Variants in NYAP2 observed in about 807,000 individuals in gnomAD.
NYAP2 encodes neuronal tyrosine-phosphorylated phosphoinositide-3-kinase adaptor 2, also known as neuronal tyrosine-phosphorylated phosphoinositide-3-kinase adapter 2.
A neutral mutation model predicts 50.4 loss-of-function variants in NYAP2; 23 were observed. That is an observed-to-expected ratio of 0.46 (90% CI 0.33 to 0.65). The LOEUF is 0.65. Among genes scored for constraint, NYAP2 ranks in the 30% least tolerant of loss-of-function variants. The pLI, the probability that NYAP2 is intolerant of heterozygous loss-of-function variation, is 0.02. For missense variants in NYAP2, 885 were observed against 861.0 expected, an observed-to-expected ratio of 1.03 and a Z score of -0.35; for synonymous variants, 394 against 365.2, an observed-to-expected ratio of 1.08 and a Z score of -0.90.
chr2:225,582,404 G>A lies in NYAP2; in HGVS notation c.987G>A (p.Leu329=). 1 of 1,605,382 alleles carries A rather than the reference G, an allele frequency of 6.2e-7. No homozygotes were observed. Among genetic ancestry groups the A allele is most frequent in the Non-Finnish European group, 8.5e-7 (1 of 1,174,026 alleles). Residue 329 remains leucine (L), a synonymous_variant, in exon 5 of 7, where the codon CTG becomes CTA. Coordinates refer to ENST00000636099, the Ensembl canonical transcript of NYAP2. This position sits in a 1 kb window ranked among gnomAD's most constrained non-coding sequence, Gnocchi z 7.0. ...ACATCCCTCCGCCCTTCCCCAACCT[G>A]CTTTCTCACAGACCCCCGCTGCTGG... is the stretch of plus-strand genomic sequence containing the variant.
chr2:225,628,689 G>A (rs1471610839), intron 6 of NYAP2, among the ~76,000 whole-genome samples: 1 of 152,028 alleles, frequency 6.6e-6, no homozygotes. Context: ...CTATTTAATT[G>A]AGTCTTATGA....
rs936989587 is a variant in NYAP2, at chr2:225,446,528, A to G, written c.221+37427A>G. Among the ~76,000 whole-genome samples the G allele has an allele frequency of 5.9e-5, 9 of 152,030 alleles. No homozygotes were observed. In the South Asian group the frequency reaches 1.2e-3, roughly 21 times the overall value. ...TTATGAAGTTGCATGAAAGTTATAT[A>G]GAAAGGAATATGAAAATACAAAGTT... On this transcript the variant is annotated intron_variant, in intron 3 of 6. Transcript: ENST00000636099.
chr2:225,487,201 A>G (rs1462341968), intron 3 of NYAP2, among the ~76,000 whole-genome samples: 2 of 152,142 alleles, frequency 1.3e-5, no homozygotes, highest in Non-Finnish European at 2.9e-5. Flanking sequence ...CTTGGCCACA[A>G]GCTAGTATTT....
chr2:225,663,287 C>T, the NYAP2 span, among the ~76,000 whole-genome samples: 1 of 152,172 alleles, frequency 6.6e-6, no homozygotes, highest in African/African-American at 2.4e-5. Flanking sequence ...ATCTCTCACC[C>T]ATTTTCCCAG....
chr2:225,533,007 C>A (rs1048593223), intron 4 of NYAP2, among the ~76,000 whole-genome samples: 45 of 152,088 alleles, frequency 3.0e-4, no homozygotes, highest in African/African-American at 8.7e-4. Context: ...CAGTGTAGCC[C>A]ACTGATGTCA....
At chr2:225,573,920 A>G (rs1236900757) in intron 4 of NYAP2, among the ~76,000 whole-genome samples, 1 of 152,170 alleles carries the variant, frequency 6.6e-6, no homozygotes. Flanking sequence ...GGAGAGGGAG[A>G]TAGATCTTAT....
intron 3 of NYAP2, among the ~76,000 whole-genome samples, chr2:225,427,017 A>T (rs1010612829): frequency 1.3e-5 from 2 of 152,186 alleles, no homozygotes; most frequent in African/African-American, 4.8e-5. Flanking sequence ...AACCAAAATT[A>T]TTCTGTTTAG....
chr2:225,425,750 T>C (rs1333135043), intron 3 of NYAP2, among the ~76,000 whole-genome samples: 1 of 152,264 alleles, frequency 6.6e-6, no homozygotes, highest in African/African-American at 2.4e-5. Flanking sequence ...TTTAGGATTT[T>C]ATACAACCAC....
intron 3 of NYAP2, among the ~76,000 whole-genome samples, chr2:225,474,215 T>C (rs1402998265): frequency 6.6e-6 from 1 of 152,176 alleles, no homozygotes; most frequent in Admixed American, 6.5e-5. Flanking sequence ...TACTGTAGCC[T>C]TGTAGTATAG....
At chr2:225,560,096 C>T (rs530504948) in intron 4 of NYAP2, among the ~76,000 whole-genome samples, 39 of 151,902 alleles carry the variant, frequency 2.6e-4, no homozygotes, top group Non-Finnish European at 5.4e-4. Context: ...TAGCCATTAC[C>T]CACCTCCCTT....
At chr2:225,688,169 C>G in the NYAP2 span, among the ~76,000 whole-genome samples, 1 of 152,166 alleles carries the variant, frequency 6.6e-6, no homozygotes, top group Admixed American at 6.5e-5. Context: ...GAGACGTTCT[C>G]AGTCATTGAA....
At chr2:225,671,720 A>G in the NYAP2 span, among the ~76,000 whole-genome samples, 2 of 152,170 alleles carry the variant, frequency 1.3e-5, 1 homozygote, top group South Asian at 4.1e-4. Flanking sequence ...TGTGGCAGCT[A>G]TAGCCTTATG....
At chr2:225,496,093 AG>A (rs1690500340) in intron 3 of NYAP2, among the ~76,000 whole-genome samples, 1 of 152,226 alleles carries the variant, frequency 6.6e-6, no homozygotes, top group Admixed American at 6.5e-5. Context: ...ACAGCAATTG[AG>A]AAACACAGAA....
chr2:225,409,739 C>T lies in NYAP2; in HGVS notation c.221+638C>T, dbSNP rs375174557. Among the ~76,000 whole-genome samples the T allele has an allele frequency of 8.5e-5, 13 of 152,092 alleles. No homozygotes were observed. The South Asian group carries it at 1.2e-3, about 15-fold the overall frequency. On this transcript the variant is annotated intron_variant, in intron 3 of 6. Coordinates refer to ENST00000636099, the Ensembl canonical transcript of NYAP2. ...CAAATTGAGGTTAAATTTCCTAGAG[C>T]GCTGACACCAAAAGAAGAATGCATA...
At chr2:225,569,423 G>A (rs375794914) in intron 4 of NYAP2, among the ~76,000 whole-genome samples, 1 of 151,744 alleles carries the variant, frequency 6.6e-6, no homozygotes, top group Non-Finnish European at 1.5e-5. Context: ...AGGGGATTGA[G>A]AGAAAGGAGG....
intron 4 of NYAP2, among the ~76,000 whole-genome samples, chr2:225,561,964 C>A (rs1691884638): frequency 6.6e-6 from 1 of 151,842 alleles, no homozygotes; most frequent in Admixed American, 6.6e-5. Context: ...AATCTGGCTT[C>A]CTGTCTCTCA....
At chr2:225,471,941 G>A (rs1014500544) in intron 3 of NYAP2, among the ~76,000 whole-genome samples, 4 of 151,690 alleles carry the variant, frequency 2.6e-5, no homozygotes, top group South Asian at 2.1e-4. Flanking sequence ...TAACCAAGAG[G>A]TAAAAATGAT....
At chr2:225,512,827 C>CTT (rs1188934335) in intron 3 of NYAP2, among the ~76,000 whole-genome samples, 19 of 83,410 alleles carry the variant, frequency 2.3e-4, no homozygotes, top group Admixed American at 9.8e-4. Flanking sequence ...CTTTCTCTCT[C>CTT]TCTCTCTCTC....
At chr2:225,637,554 G>C (rs1443385185) in intron 6 of NYAP2, among the ~76,000 whole-genome samples, 2 of 152,096 alleles carry the variant, frequency 1.3e-5, no homozygotes, top group African/African-American at 2.4e-5. Flanking sequence ...CTGCTGCCTG[G>C]TTCTGTTCAC....
Sources: allele counts gnomAD v4.1 joint callset (sites outside exome capture counted in the v4.1 genomes callset), GRCh38; gene constraint gnomAD v4.1.1; non-coding constraint Gnocchi (gnomAD v3.1); transcripts MANE v1.5; gene names NCBI Gene and HGNC (gene_info 2026-07-23, HGNC 2026-07-21).